Variants in PCDH11X observed in about 807,000 individuals in gnomAD.
The protein encoded by PCDH11X is protocadherin-11 X-linked.
Under a neutral mutation model 53.3 loss-of-function variants are expected in PCDH11X, and 18 were observed. That is an observed-to-expected ratio of 0.34 (90% CI 0.23 to 0.50). The LOEUF (loss-of-function observed/expected upper bound fraction) is 0.50, where lower values mean the gene tolerates loss of function less well. Ranked by LOEUF, PCDH11X falls within the 20% of genes least tolerant of loss-of-function variation. The pLI, the probability that PCDH11X is intolerant of heterozygous loss-of-function variation, is 0.98. For synonymous variants in PCDH11X, 279 were observed against 393.3 expected, an observed-to-expected ratio of 0.71 and a Z score of 3.44; for missense variants, 570 against 1,032.4, an observed-to-expected ratio of 0.55 and a Z score of 6.14.
chrX:91,868,561 A>G (rs977776013), intron 5 of PCDH11X, among the ~76,000 whole-genome samples: 3 of 111,631 alleles, frequency 2.7e-5, no homozygotes, highest in Admixed American at 9.5e-5. Flanking sequence ...AAAAGATAAA[A>G]CACCTTCATA....
At chrX:92,228,865 A>G (rs116036394) in intron 7 of PCDH11X, among the ~76,000 whole-genome samples, 9,118 of 111,593 alleles carry the variant, frequency 0.082, 525 homozygotes, top group African/African-American at 0.2. Flanking sequence ...TAACTTTTTC[A>G]CTATGTGAGA....
intron 9 of PCDH11X, among the ~76,000 whole-genome samples, chrX:92,452,491 ATATAT>A (rs2072814146): frequency 1.9e-5 from 1 of 53,574 alleles, no homozygotes; most frequent in Admixed American, 2.0e-4. Flanking sequence ...ATATATATAT[ATATAT>A]ATGTTTTTTT....
At chrX:92,164,243 A>G (rs1428328718) in intron 6 of PCDH11X, among the ~76,000 whole-genome samples, 1 of 111,545 alleles carries the variant, frequency 9.0e-6, no homozygotes, top group African/African-American at 3.3e-5. Context: ...GTTGCTATTT[A>G]TTTTGTTTTA....
rs189662956 is a variant in PCDH11X, at chrX:92,316,728, G to A, written c.3144+53585G>A. Among the ~76,000 whole-genome samples the A allele has an allele frequency of 1.8e-3, 198 of 110,936 alleles. 3 individuals are homozygous for A. Among genetic ancestry groups the A allele is most frequent in the Admixed American group, 0.017 (178 of 10,381 alleles). ...CTGGGGTCAAAACTGCTCTGACACTGGTATCAGAAACACTTTTGAGAAAAG... is the reference window on the plus strand; with the variant it reads ...CTGGGGTCAAAACTGCTCTGACACTAGTATCAGAAACACTTTTGAGAAAAG... On this transcript the variant is annotated intron_variant, in intron 8 of 10. Coordinates refer to ENST00000682573, the MANE Select transcript of PCDH11X (RefSeq NM_032968.5).
chrX:91,937,385 G>A (rs1175283219), intron 6 of PCDH11X, among the ~76,000 whole-genome samples: 1 of 110,036 alleles, frequency 9.1e-6, no homozygotes, highest in African/African-American at 3.3e-5. Flanking sequence ...ATTTCCCATT[G>A]CATCAAACAC....
intron 6 of PCDH11X, among the ~76,000 whole-genome samples, chrX:91,978,887 A>G (rs2062083771): frequency 4.5e-5 from 5 of 112,020 alleles, no homozygotes; most frequent in Admixed American, 2.9e-4. Context: ...ATTTCAGGGC[A>G]TAGCCTAATT....
chrX:91,953,378 C>T (rs1378273585), intron 6 of PCDH11X, among the ~76,000 whole-genome samples: 1 of 110,531 alleles, frequency 9.0e-6, no homozygotes. Context: ...TAATCAAAAT[C>T]TAAGCAGAGG....
At chrX:91,854,700 GATA>G (rs1938222322) in intron 5 of PCDH11X, among the ~76,000 whole-genome samples, 1 of 112,071 alleles carries the variant, frequency 8.9e-6, no homozygotes, top group African/African-American at 3.2e-5. Flanking sequence ...CAGGGGGTGA[GATA>G]ATATCTTATT....
chrX:92,361,586 C>A (rs779161622), intron 8 of PCDH11X, among the ~76,000 whole-genome samples: 1 of 110,700 alleles, frequency 9.0e-6, no homozygotes, highest in Non-Finnish European at 1.9e-5. Context: ...TTACTATCCC[C>A]GTTTTACAAA....
intron 9 of PCDH11X, among the ~76,000 whole-genome samples, chrX:92,432,626 C>T (rs1395454404): frequency 9.1e-5 from 10 of 109,437 alleles, no homozygotes; most frequent in African/African-American, 3.0e-4. Flanking sequence ...CAGAAAATAA[C>T]TGTGATTTCC....
intron 8 of PCDH11X, among the ~76,000 whole-genome samples, chrX:92,339,583 G>A (rs1408470498): frequency 6.3e-5 from 7 of 110,861 alleles, no homozygotes; most frequent in African/African-American, 2.3e-4. Flanking sequence ...AGGGGAGCAG[G>A]CACATCACAT....
At chrX:92,332,390 G>T (rs770310399) in intron 8 of PCDH11X, among the ~76,000 whole-genome samples, 3 of 110,155 alleles carry the variant, frequency 2.7e-5, no homozygotes, top group Non-Finnish European at 3.8e-5. Context: ...GTGTGTGTGT[G>T]TGCATGCATG....
intron 10 of PCDH11X, among the ~76,000 whole-genome samples, chrX:92,611,342 CT>C (rs57553012): frequency 0.01 from 1,019 of 100,843 alleles, 10 homozygotes; most frequent in Middle Eastern, 0.062. Context: ...TTATTCCTAG[CT>C]TTTTTTTTTT....
At chrX:92,559,828 C>A (rs1180789904) in intron 10 of PCDH11X, among the ~76,000 whole-genome samples, 1 of 110,876 alleles carries the variant, frequency 9.0e-6, no homozygotes, top group African/African-American at 3.3e-5. Context: ...CTTGCCATCA[C>A]AAACCGAATT....
intron 6 of PCDH11X, among the ~76,000 whole-genome samples, chrX:92,135,217 C>T (rs1337689907): frequency 3.6e-5 from 4 of 111,504 alleles, no homozygotes; most frequent in Non-Finnish European, 5.6e-5. Context: ...ATAGTGGAAT[C>T]GTTTTATTCG....
chrX:92,435,069 C>T (rs1403024001), intron 9 of PCDH11X, among the ~76,000 whole-genome samples: 1 of 110,580 alleles, frequency 9.0e-6, no homozygotes, highest in African/African-American at 3.3e-5. Flanking sequence ...CACTGAGATT[C>T]AGGAGAATGG....
intron 8 of PCDH11X, among the ~76,000 whole-genome samples, chrX:92,281,282 A>G (rs2068246705): frequency 1.8e-5 from 2 of 111,812 alleles, no homozygotes; most frequent in Non-Finnish European, 3.8e-5. Flanking sequence ...GCATACATAC[A>G]CAAGAGTACA....
chrX:92,075,896 A>G lies in PCDH11X; in HGVS notation c.3034-125479A>G, dbSNP rs752987399. 6.3e-5 allele frequency among the ~76,000 whole-genome samples: 7 copies of G among 110,616 alleles called. No individual in the cohort carries two copies. In the South Asian group the frequency reaches 2.7e-3, roughly 42 times the overall value. Reference sequence around the variant, plus strand: ...TTAGTAAGCACAAATCCTGCCTCAAATATGTTTACTTCAGACCATAACTTG... The same window carrying G: ...TTAGTAAGCACAAATCCTGCCTCAAGTATGTTTACTTCAGACCATAACTTG... On this transcript the variant is annotated intron_variant, in intron 6 of 10. Coordinates refer to ENST00000682573, the MANE Select transcript of PCDH11X (RefSeq NM_032968.5).
chrX:91,883,160 T>C, intron 6 of PCDH11X: 1 of 967,770 alleles, frequency 1.0e-6, no homozygotes, highest in Non-Finnish European at 1.3e-6. Flanking sequence ...GAAGAGACAG[T>C]GCAGCACAAT....
Sources: allele counts gnomAD v4.1 joint callset (sites outside exome capture counted in the v4.1 genomes callset), GRCh38; gene constraint gnomAD v4.1.1; transcripts MANE v1.5; gene names NCBI Gene and HGNC (gene_info 2026-07-23, HGNC 2026-07-21).